Variants in POGLUT3 observed in about 807,000 individuals in gnomAD.
POGLUT3 encodes protein O-glucosyltransferase 3.
Under a neutral mutation model 54.3 loss-of-function variants are expected in POGLUT3, and 48 were observed. That is an observed-to-expected ratio of 0.88 (90% CI 0.70 to 1.12). POGLUT3 has a LOEUF of 1.12. Among genes scored for constraint, POGLUT3 ranks in the 50% most tolerant of loss-of-function variants. The probability of loss-of-function intolerance (pLI) is 0.00; values close to 1 mark genes in which losing one functional copy is unlikely to be tolerated. For synonymous variants in POGLUT3, 218 were observed against 237.4 expected (o/e 0.92, Z 0.75); for missense variants, 629 against 618.7 (o/e 1.02, Z -0.18).
chr11:108,491,243 A>T, intron 1 of POGLUT3, 76 bp from the exon 2 acceptor site: 1 of 1,163,882 alleles, frequency 8.6e-7, no homozygotes, highest in South Asian at 1.3e-5. Context: ...GTGTTATTGG[A>T]TAACTTAAAT....
intron 2 of POGLUT3, among the ~76,000 whole-genome samples, chr11:108,490,227 T>G (rs1299482638): frequency 2.0e-5 from 3 of 152,096 alleles, no homozygotes; most frequent in African/African-American, 7.2e-5. Context: ...AGATGGAATC[T>G]CGCTCTGTCA....
At chr11:108,496,926 C>G (rs553627074) in intron 1 of POGLUT3, among the ~76,000 whole-genome samples, 1 of 152,240 alleles carries the variant, frequency 6.6e-6, no homozygotes, top group Non-Finnish European at 1.5e-5. Context: ...CGGTCTCCTA[C>G]GCCTCTGTGC....
chr11:108,483,264 C>T (rs1173159172), intron 3 of POGLUT3, among the ~76,000 whole-genome samples: 1 of 152,218 alleles, frequency 6.6e-6, no homozygotes, highest in Non-Finnish European at 1.5e-5. Context: ...CATCTGCCCA[C>T]CTACCAGGAA....
chr11:108,490,953 A>G lies in POGLUT3; in HGVS notation c.400+17T>C. On this transcript the variant is annotated intron_variant, in intron 2 of 7. Coordinates refer to ENST00000323468, the MANE Select transcript of POGLUT3 (RefSeq NM_153705.5). ...CTACACACAAGGCTGACTCTGGAGT[A>G]TATAATAATCACTTACCTTTCAAAA... is the stretch of plus-strand genomic sequence containing the variant. 1.2e-6 allele frequency: 2 copies of G among 1,600,268 alleles called. No homozygotes were observed. The highest frequency in any genetic ancestry group is 1.7e-6 in the Non-Finnish European group (2 of 1,167,574).
rs536179523 is a variant in POGLUT3, at chr11:108,498,081, C to A, written c.202+84G>T. Reference sequence around the variant, plus strand: ...CGACACACGCCGGGGAGGGACGCCACGCAGGCCGCGGGCGGACTCCCGGGC... The same window carrying A: ...CGACACACGCCGGGGAGGGACGCCAAGCAGGCCGCGGGCGGACTCCCGGGC... On this transcript the variant is annotated intron_variant, in intron 1 of 7. Transcript: ENST00000323468. 5 of 1,243,512 alleles carry A rather than the reference C, an allele frequency of 4.0e-6. No homozygotes were observed. In the South Asian group the frequency reaches 8.7e-5, roughly 22 times the overall value. The allele number at this position is 1,243,512 out of a possible 1,614,324, so 77.0% of individuals were successfully genotyped here. A position where few individuals can be genotyped will look rare whatever the true frequency, so the allele number is the denominator to read the frequency against.
intron 3 of POGLUT3, among the ~76,000 whole-genome samples, chr11:108,485,933 C>T (rs2093602447): frequency 6.6e-6 from 1 of 152,130 alleles, no homozygotes; most frequent in African/African-American, 2.4e-5. Flanking sequence ...GCTGTGATTG[C>T]AGGTATGAGC....
chr11:108,492,572 A>G (rs760538539), intron 1 of POGLUT3, among the ~76,000 whole-genome samples: 44 of 152,204 alleles, frequency 2.9e-4, no homozygotes, highest in Non-Finnish European at 1.5e-4. Context: ...TGTAATATCT[A>G]CTTTCTTTTG....
chr11:108,485,591 G>A (rs1161123844), intron 3 of POGLUT3, among the ~76,000 whole-genome samples: 1 of 152,048 alleles, frequency 6.6e-6, no homozygotes, highest in African/African-American at 2.4e-5. Context: ...GGAGTGTCCT[G>A]TATGGCATAC....
intron 1 of POGLUT3, among the ~76,000 whole-genome samples, chr11:108,492,249 A>C (rs1379933098): frequency 1.3e-5 from 2 of 152,204 alleles, no homozygotes; most frequent in African/African-American, 2.4e-5. Context: ...ACTATTCAAC[A>C]AACTTTCCCT....
chr11:108,498,155 T>C lies in POGLUT3; in HGVS notation c.202+10A>G, dbSNP rs1213420081. On this transcript the variant is annotated intron_variant, in intron 1 of 7. Transcript: ENST00000323468. The stretch of plus-strand genomic sequence containing the variant: ...CCGCGGGACGAGGGAGGCCGGCGGC[T>C]GGACACTACCTGCGGGAGAGCGAGT... The C allele has an allele frequency of 7.3e-6, 11 of 1,505,072 alleles. No individual in the cohort carries two copies. The highest frequency in any genetic ancestry group is 9.8e-6 in the Non-Finnish European group (11 of 1,127,688). The allele number at this position is 1,505,072 out of a possible 1,614,324, so 93.2% of individuals were successfully genotyped here. A position where few individuals can be genotyped will look rare whatever the true frequency, so the allele number is the denominator to read the frequency against.
chr11:108,491,335 C>A, intron 1 of POGLUT3, 168 bp from the exon 2 acceptor site: 1 of 614,826 alleles, frequency 1.6e-6, no homozygotes, highest in Non-Finnish European at 2.8e-6. Flanking sequence ...ACTGTCATGT[C>A]TGGTTCATGC....
intron 5 of POGLUT3, among the ~76,000 whole-genome samples, chr11:108,479,785 T>C (rs1200696440): frequency 6.6e-6 from 1 of 152,164 alleles, no homozygotes; most frequent in East Asian, 1.9e-4. Flanking sequence ...GGAATCCAGA[T>C]TTCTGTAACA....
intron 4 of POGLUT3, 31 bp from the exon 5 acceptor site, chr11:108,481,407 A>T (rs773161521): frequency 1.3e-6 from 2 of 1,515,536 alleles, no homozygotes; most frequent in Non-Finnish European, 8.8e-7. Context: ...AAAAATTAGG[A>T]TTATGAATTT....
intron 1 of POGLUT3, among the ~76,000 whole-genome samples, chr11:108,494,719 G>C (rs2093619165): frequency 6.6e-6 from 1 of 152,298 alleles, no homozygotes; most frequent in East Asian, 1.9e-4. Context: ...ATTTTATGAA[G>C]ATATTATTAC....
intron 5 of POGLUT3, among the ~76,000 whole-genome samples, chr11:108,480,701 G>A (rs192896993): frequency 1.1e-4 from 16 of 152,214 alleles, no homozygotes; most frequent in Admixed American, 2.6e-4. Context: ...GGCATCACAC[G>A]GGTTTAAAGA....
intron 1 of POGLUT3, among the ~76,000 whole-genome samples, chr11:108,494,963 A>G (rs1565752297): frequency 6.6e-6 from 1 of 152,206 alleles, no homozygotes; most frequent in Non-Finnish European, 1.5e-5. Context: ...ATAAAGATAC[A>G]GTTCTTCCCC....
At position 108,481,282 on chromosome 11, in the gene POGLUT3, A is replaced by T. The variant is rs771598642; in HGVS notation, c.996T>A (p.Asn332Lys). The T allele has an allele frequency of 3.5e-5, 56 of 1,612,890 alleles. No homozygotes were observed. The highest frequency in any genetic ancestry group is 4.2e-5 in the Non-Finnish European group (50 of 1,179,620). ...RLQLVQLSKE[N>K]PQLLDAGITG... is the part of the protein sequence containing the mutation. Reference sequence around the variant, plus strand: ...TAATTCCTGCATCTAGTAGCTGAGGATTTTCTTTGGACAGCTGTACCAACT... The same window carrying T: ...TAATTCCTGCATCTAGTAGCTGAGGTTTTTCTTTGGACAGCTGTACCAACT... The change falls in exon 5 of 8, where the codon AAT becomes AAA. Residue 332 changes from asparagine (N) to lysine (K), a missense_variant. Transcript: ENST00000323468.
chr11:108,498,300 G>T lies in POGLUT3; in HGVS notation c.67C>A (p.Pro23Thr). 6.9e-7 allele frequency: 1 copy of T among 1,457,790 alleles called. No individual in the cohort carries two copies. The highest frequency in any genetic ancestry group is 1.5e-5 in the African/African-American group (1 of 67,730). 90.3% of individuals were successfully genotyped at this position (1,457,790 alleles called of 1,614,324 possible). ...RLALLVAAGA[P>T]EVLVSAPRSL... ...CGCGGCGCGCTGACCAGCACCTCCG[G>T]GGCCCCCGCGGCCACCAGCAGGGCG... The change falls in exon 1 of 8, where the codon CCG becomes ACG. Residue 23 changes from proline (P) to threonine (T), a missense_variant. Pro to Thr is a conservative substitution (Grantham distance 38). Coordinates refer to ENST00000323468, the MANE Select transcript of POGLUT3 (RefSeq NM_153705.5).
intron 1 of POGLUT3, among the ~76,000 whole-genome samples, chr11:108,494,605 A>T (rs1288337884): frequency 6.6e-6 from 1 of 152,208 alleles, no homozygotes; most frequent in Non-Finnish European, 1.5e-5. Context: ...ATGTGTAAAG[A>T]CAGTAATATC....
Sources: allele counts gnomAD v4.1 joint callset (sites outside exome capture counted in the v4.1 genomes callset), GRCh38; gene constraint gnomAD v4.1.1; transcripts MANE v1.5; gene names NCBI Gene and HGNC (gene_info 2026-07-23, HGNC 2026-07-21).